Variants in CDH8 observed in about 807,000 individuals in gnomAD.
CDH8 encodes the protein cadherin-8.
CDH8 carries 17 observed loss-of-function variants against 68.1 expected under a neutral mutation model. The observed-to-expected ratio is 0.25, with a 90% confidence interval of 0.17 to 0.37. The LOEUF (loss-of-function observed/expected upper bound fraction) is 0.37. Among genes scored for constraint, CDH8 ranks in the 10% least tolerant of loss-of-function variants. The pLI, the probability that CDH8 is intolerant of heterozygous loss-of-function variation, is 1.00. For synonymous variants in CDH8, 372 were observed against 365.1 expected (o/e 1.02, Z -0.21); for missense variants, 763 against 999.3 (o/e 0.76, Z 3.19).
chr16:61,813,475 C>T (rs1961998319), intron 7 of CDH8, among the ~76,000 whole-genome samples: 1 of 152,168 alleles, frequency 6.6e-6, no homozygotes, highest in Non-Finnish European at 1.5e-5. Context: ...GCCTGCCCCG[C>T]AAGTGTTTAC....
intron 4 of CDH8, among the ~76,000 whole-genome samples, chr16:61,856,011 G>A (rs532908848): frequency 1.3e-5 from 2 of 152,068 alleles, no homozygotes; most frequent in Non-Finnish European, 1.5e-5. Context: ...TTTACGCCCT[G>A]ACCTATTTAT....
intron 4 of CDH8, among the ~76,000 whole-genome samples, chr16:61,856,217 A>G (rs180868561): frequency 6.6e-6 from 1 of 152,232 alleles, no homozygotes; most frequent in East Asian, 1.9e-4. Context: ...GTGCCTGTAC[A>G]TTGAATTTTT....
At position 61,653,498 on chromosome 16, in the gene CDH8, T is replaced by G. The variant is rs1963370302; in HGVS notation, c.*110A>C. On this transcript the variant is annotated 3_prime_UTR_variant, in exon 12 of 12. Coordinates refer to ENST00000577390, the MANE Select transcript of CDH8 (RefSeq NM_001796.5). ...AAATGTGGTTGAGTTTATAGATGAC[T>G]GGTGCTAAACTTGCCTCTAAAACAA... The G allele has an allele frequency of 1.3e-6, 2 of 1,495,422 alleles. No individual in the cohort carries two copies. The highest frequency in any genetic ancestry group is 2.9e-5 in the South Asian group (2 of 69,562). The allele number at this position is 1,495,422 out of a possible 1,614,324, so 92.6% of individuals were successfully genotyped here. A position where few individuals can be genotyped will look rare whatever the true frequency, so the allele number is the denominator to read the frequency against.
At chr16:61,703,378 A>G (rs1310202722) in intron 10 of CDH8, among the ~76,000 whole-genome samples, 1 of 152,018 alleles carries the variant, frequency 6.6e-6, no homozygotes, top group Non-Finnish European at 1.5e-5. Flanking sequence ...AAAAAGATAG[A>G]GAATTTTAGA....
chr16:61,683,678 T>G (rs1964052964), intron 10 of CDH8, among the ~76,000 whole-genome samples: 3 of 152,034 alleles, frequency 2.0e-5, no homozygotes, highest in Non-Finnish European at 4.4e-5. Context: ...ATGCATTGTA[T>G]TCACTAATAT....
At chr16:61,793,336 T>C (rs1042174569) in intron 7 of CDH8, among the ~76,000 whole-genome samples, 5 of 151,930 alleles carry the variant, frequency 3.3e-5, no homozygotes, top group African/African-American at 1.2e-4. Context: ...GGGGATTCAT[T>C]GTACAGATTA....
chr16:61,894,136 C>A (rs554292809), intron 3 of CDH8, among the ~76,000 whole-genome samples: 32 of 152,168 alleles, frequency 2.1e-4, no homozygotes, highest in African/African-American at 7.5e-4. Flanking sequence ...TTATTGTCAC[C>A]AATTATGGAA....
chr16:61,813,924 A>T (rs1856507553), intron 7 of CDH8, among the ~76,000 whole-genome samples: 1 of 152,214 alleles, frequency 6.6e-6, no homozygotes, highest in Admixed American at 6.5e-5. Context: ...AAATGAGATC[A>T]ATTAGACTAT....
At chr16:61,799,972 G>C (rs533215609) in intron 7 of CDH8, among the ~76,000 whole-genome samples, 5 of 152,002 alleles carry the variant, frequency 3.3e-5, no homozygotes, top group Admixed American at 6.6e-5. Context: ...TCAGTGGCAC[G>C]ATCCCAGCTC....
chr16:61,999,547 T>C (rs1441434115), intron 2 of CDH8, among the ~76,000 whole-genome samples: 1 of 152,158 alleles, frequency 6.6e-6, no homozygotes, highest in Non-Finnish European at 1.5e-5. Flanking sequence ...TTACCTAACC[T>C]CTTGCAGTGT....
intron 10 of CDH8, chr16:61,711,516 C>A (rs112747024): frequency 6.6e-6 from 1 of 151,608 alleles, no homozygotes; most frequent in African/African-American, 2.4e-5. Context: ...ATATATATAT[C>A]CAACATTTTT....
chr16:61,812,063 A>G (rs1306971409), intron 7 of CDH8, among the ~76,000 whole-genome samples: 2 of 152,192 alleles, frequency 1.3e-5, no homozygotes, highest in Non-Finnish European at 2.9e-5. Flanking sequence ...CTTTACACAC[A>G]CAAACACACC....
chr16:61,943,118 T>C (rs1723067326), intron 2 of CDH8, among the ~76,000 whole-genome samples: 3 of 152,122 alleles, frequency 2.0e-5, no homozygotes, highest in Non-Finnish European at 4.4e-5. Flanking sequence ...AGAAAATATT[T>C]TCCAGAAATC....
chr16:61,669,945 T>A (rs1413506860), intron 10 of CDH8, among the ~76,000 whole-genome samples: 1 of 152,112 alleles, frequency 6.6e-6, no homozygotes, highest in African/African-American at 2.4e-5. Flanking sequence ...TAACAAGCTA[T>A]GTTTCTTTCT....
chr16:61,996,654 T>C, intron 2 of CDH8, among the ~76,000 whole-genome samples: 1 of 152,224 alleles, frequency 6.6e-6, no homozygotes, highest in Non-Finnish European at 1.5e-5. Flanking sequence ...ATTCAATTAA[T>C]AAAATGATTT....
chr16:61,879,777 A>C (rs956091252), intron 3 of CDH8, among the ~76,000 whole-genome samples: 6 of 152,202 alleles, frequency 3.9e-5, no homozygotes, highest in Admixed American at 6.5e-5. Flanking sequence ...TAGGCCCCGA[A>C]AAACAACAAG....
intron 2 of CDH8, among the ~76,000 whole-genome samples, chr16:62,015,795 C>T (rs1901924744): frequency 6.6e-6 from 1 of 152,056 alleles, no homozygotes; most frequent in South Asian, 2.1e-4. Context: ...GCTTCCTTGC[C>T]CTCTTTCTAC....
At position 61,649,187 on chromosome 16, in the gene CDH8, C is replaced by T. The variant is rs1396248805; in HGVS notation, c.*4421G>A. On this transcript the variant is annotated 3_prime_UTR_variant, in exon 12 of 12. Transcript: ENST00000577390. ...AAAAAGTCTAAGTACAGCCTCACAA[C>T]GTGACATATTTAATTCTAATCCCAG... The T allele has an allele frequency of 2.6e-5, 4 of 151,856 alleles. No individual in the cohort carries two copies. Among genetic ancestry groups the T allele is most frequent in the South Asian group, 4.1e-4 (2 of 4,824 alleles). The allele number at this position is 151,856 out of a possible 1,614,324, so 9.4% of individuals were successfully genotyped here.
At chr16:61,657,569 T>C (rs943984207) in intron 10 of CDH8, among the ~76,000 whole-genome samples, 1 of 152,082 alleles carries the variant, frequency 6.6e-6, no homozygotes, top group Non-Finnish European at 1.5e-5. Flanking sequence ...GCAAGGAACA[T>C]TATCTCAAAA....
Sources: gnomAD v4.1 joint callset for allele counts (sites outside exome capture counted in the v4.1 genomes callset) on GRCh38, gnomAD v4.1.1 for gene constraint, MANE v1.5 for transcripts, NCBI Gene and HGNC (gene_info 2026-07-23, HGNC 2026-07-21) for gene names.